The following DENND11 variants were observed in gnomAD, a reference collection of about 807,000 sequenced individuals.
The protein encoded by DENND11 is DENN domain-containing protein 11.
In DENND11, 34 loss-of-function variants were observed where a neutral mutation model predicts 49.2. That is an observed-to-expected ratio of 0.69 (90% CI 0.53 to 0.92). The LOEUF is 0.92. Among genes scored for constraint, DENND11 ranks in the 40% least tolerant of loss-of-function variants. DENND11 has a pLI of 0.00. For missense variants in DENND11, 475 were observed against 581.6 expected (o/e 0.82, Z 1.88); for synonymous variants, 238 against 230.3 (o/e 1.03, Z -0.30).
Position 141,659,226 on chromosome 7 carries a change from A to C in DENND11, c.*3430T>G, listed in dbSNP as rs781617934. On this transcript the variant is annotated 3_prime_UTR_variant, in exon 9 of 9. Coordinates refer to ENST00000536163, the MANE Select transcript of DENND11 (RefSeq NM_001080392.2). Reference sequence around the variant, plus strand: ...ATGCTATAATGGATGATGGATATGGAAGGCAAAAGCCTTCTAATTCATTGC... The same window carrying C: ...ATGCTATAATGGATGATGGATATGGCAGGCAAAAGCCTTCTAATTCATTGC... 1.3e-5 allele frequency: 2 copies of C among 152,242 alleles called. No individual in the cohort carries two copies. The highest frequency in any genetic ancestry group is 2.9e-5 in the Non-Finnish European group (2 of 68,036). 9.4% of individuals were successfully genotyped at this position (152,242 alleles called of 1,614,324 possible). A position where few individuals can be genotyped will look rare whatever the true frequency, so the allele number is the denominator to read the frequency against.
intron 3 of DENND11, among the ~76,000 whole-genome samples, chr7:141,678,239 A>C (rs886519212): frequency 2.6e-5 from 4 of 152,242 alleles, no homozygotes; most frequent in African/African-American, 9.6e-5. Flanking sequence ...CTAGGATTAC[A>C]GGCGTGAGCC....
At position 141,660,919 on chromosome 7, in the gene DENND11, G is replaced by C. The variant is rs1797782014; in HGVS notation, c.*1737C>G. On this transcript the variant is annotated 3_prime_UTR_variant, in exon 9 of 9. Transcript: ENST00000536163. ...TGCAGAGGAGAAAAGTCTATTAGCT[G>C]TACAGTTTACATTTCAATGCCCAAA... 6.6e-6 allele frequency: 1 copy of C among 152,598 alleles called. No individual in the cohort carries two copies. Among genetic ancestry groups the C allele is most frequent in the Non-Finnish European group, 1.5e-5 (1 of 68,034 alleles). 9.5% of individuals were successfully genotyped at this position (152,598 alleles called of 1,614,324 possible). A position where few individuals can be genotyped will look rare whatever the true frequency, so the allele number is the denominator to read the frequency against.
chr7:141,692,865 A>T (rs2117079850), intron 1 of DENND11, among the ~76,000 whole-genome samples: 1 of 152,246 alleles, frequency 6.6e-6, no homozygotes, highest in Admixed American at 6.5e-5. Context: ...ATAATTTTTT[A>T]AAATATGTAA....
chr7:141,695,439 C>T (rs907784458), intron 1 of DENND11, among the ~76,000 whole-genome samples: 4 of 152,144 alleles, frequency 2.6e-5, no homozygotes, highest in South Asian at 2.1e-4. Flanking sequence ...GGGAATGAAG[C>T]GCTATCAGGG....
intron 2 of DENND11, 88 bp from the exon 3 acceptor site, chr7:141,685,724 G>C (rs770798922): frequency 7.1e-7 from 1 of 1,415,814 alleles, no homozygotes; most frequent in African/African-American, 1.4e-5. Context: ...ACTGTGTTCG[G>C]GGCTGTCAAT....
chr7:141,668,611 A>G (rs755291939), intron 4 of DENND11, among the ~76,000 whole-genome samples: 83 of 152,158 alleles, frequency 5.5e-4, no homozygotes, highest in Non-Finnish European at 9.4e-4. Flanking sequence ...AACAAACAAA[A>G]ACAGATGAAT....
At chr7:141,669,164 C>T (rs1797939148) in intron 4 of DENND11, among the ~76,000 whole-genome samples, 1 of 152,060 alleles carries the variant, frequency 6.6e-6, no homozygotes, top group African/African-American at 2.4e-5. Context: ...CCTCTTCCCT[C>T]TGCTTCCTTT....
Position 141,666,383 on chromosome 7 carries a change from A to G in DENND11, c.724T>C (p.Phe242Leu), listed in dbSNP as rs1797894070. 1 of 1,611,944 alleles carries G rather than the reference A, an allele frequency of 6.2e-7. No homozygotes were observed. The highest frequency in any genetic ancestry group is 1.7e-5 in the Admixed American group (1 of 59,950). Residue 242 changes from phenylalanine to leucine, a missense_variant, in exon 5 of 9, where the codon TTT (phenylalanine) becomes CTT (leucine). Coordinates refer to ENST00000536163, the MANE Select transcript of DENND11 (RefSeq NM_001080392.2). ...AGCMSQFIKFFGEQILILWKF... is the reference protein window; with the variant it reads ...AGCMSQFIKFLGEQILILWKF... ...CAGAGGATGAGGATCTGTTCTCCAA[A>G]GAACTTTATAAACTGAGACATGCAG...
chr7:141,674,768 T>TA (rs1395870726), intron 3 of DENND11, among the ~76,000 whole-genome samples: 9 of 152,108 alleles, frequency 5.9e-5, no homozygotes, highest in Non-Finnish European at 1.3e-4. Flanking sequence ...AGTATAATAA[T>TA]AAAGAAATAA....
intron 1 of DENND11, among the ~76,000 whole-genome samples, chr7:141,694,069 A>C (rs1798370419): frequency 6.6e-6 from 1 of 152,180 alleles, no homozygotes; most frequent in Non-Finnish European, 1.5e-5. Context: ...TGTATGAGTG[A>C]GGGGGAGGTA....
Position 141,665,240 on chromosome 7 carries a change from T to C in DENND11, c.899A>G (p.Tyr300Cys). ...GCTCTCGATGTCAGCCACGTTCACG[T>C]AGAAGAAAGGTTTGGACTCAGGAAT... is the stretch of plus-strand genomic sequence containing the variant. ...GTIPESKPFFYVNVADIESLE... is the reference protein window; with the variant it reads ...GTIPESKPFFCVNVADIESLE... The change falls in exon 6 of 9, where the codon TAC becomes TGC. Residue 300 changes from tyrosine (Y) to cysteine (C), a missense_variant. Coordinates refer to ENST00000536163, the MANE Select transcript of DENND11 (RefSeq NM_001080392.2). The C allele has an allele frequency of 1.9e-6, 3 of 1,613,502 alleles. No individual in the cohort carries two copies. Among genetic ancestry groups the C allele is most frequent in the Non-Finnish European group, 2.5e-6 (3 of 1,179,738 alleles).
chr7:141,694,008 A>T (rs1233336302), intron 1 of DENND11, among the ~76,000 whole-genome samples: 1 of 152,254 alleles, frequency 6.6e-6, no homozygotes, highest in Non-Finnish European at 1.5e-5. Flanking sequence ...TTCATCAATT[A>T]TAACAAATAT....
intron 5 of DENND11, 52 bp downstream of exon 5, chr7:141,666,235 A>G: frequency 9.9e-6 from 15 of 1,518,996 alleles, no homozygotes; most frequent in Non-Finnish European, 1.3e-5. Context: ...AGACTCAAGC[A>G]GTTTCTGCTC....
intron 3 of DENND11, among the ~76,000 whole-genome samples, chr7:141,679,643 C>T (rs1242144140): frequency 2.7e-5 from 4 of 149,524 alleles, no homozygotes; most frequent in South Asian, 2.1e-4. Context: ...ACCTGGGAGG[C>T]GGAGGTTGCA....
At position 141,661,007 on chromosome 7, in the gene DENND11, A is replaced by C. The variant is rs558895611; in HGVS notation, c.*1649T>G. 1.3e-5 allele frequency: 2 copies of C among 152,282 alleles called. No homozygotes were observed. Among genetic ancestry groups the C allele is most frequent in the Non-Finnish European group, 2.9e-5 (2 of 68,036 alleles). 9.4% of individuals were successfully genotyped at this position (152,282 alleles called of 1,614,324 possible). A position where few individuals can be genotyped will look rare whatever the true frequency, so the allele number is the denominator to read the frequency against. ...AATCAATGTCTATTTGCATTTCCAC[A>C]TGTGAATTTCTTCAGTTTTGATATT... On this transcript the variant is annotated 3_prime_UTR_variant, in exon 9 of 9. Transcript: ENST00000536163.
intron 5 of DENND11, 126 bp downstream of exon 5, chr7:141,666,161 C>T (rs867346141): frequency 9.7e-7 from 1 of 1,034,442 alleles, no homozygotes; most frequent in Middle Eastern, 3.1e-4. Context: ...CAGTTCACTC[C>T]CGGGCTTAAA....
intron 1 of DENND11, among the ~76,000 whole-genome samples, chr7:141,694,356 G>A (rs1798376687): frequency 6.6e-6 from 1 of 151,912 alleles, no homozygotes; most frequent in Non-Finnish European, 1.5e-5. Context: ...TAACTCCAGG[G>A]CTCAAATGAT....
At chr7:141,696,455 G>A (rs1398325024) in intron 1 of DENND11, among the ~76,000 whole-genome samples, 1 of 152,194 alleles carries the variant, frequency 6.6e-6, no homozygotes, top group Non-Finnish European at 1.5e-5. Context: ...TAGGAAATAT[G>A]TGAATTTCTT....
chr7:141,683,688 A>C lies in DENND11; in HGVS notation c.527+1790T>G, dbSNP rs73518085. Among the ~76,000 whole-genome samples, 771 of 152,294 alleles carry C rather than the reference A, an allele frequency of 5.1e-3. 8 individuals are homozygous for C. Among genetic ancestry groups the C allele is most frequent in the African/African-American group, 0.018 (728 of 41,568 alleles). On this transcript the variant is annotated intron_variant, in intron 3 of 8. Transcript: ENST00000536163. The stretch of plus-strand genomic sequence containing the variant: ...ACAAAACAAAACAAAACATTTGGCA[A>C]GTTCAGAAACAGCACAGACAAAGAC...
Sources: gnomAD v4.1 joint callset for allele counts (sites outside exome capture counted in the v4.1 genomes callset) on GRCh38, gnomAD v4.1.1 for gene constraint, MANE v1.5 for transcripts, NCBI Gene and HGNC (gene_info 2026-07-23, HGNC 2026-07-21) for gene names.